The following SEC31A variants were observed in gnomAD, a reference collection of about 807,000 sequenced individuals.
The protein encoded by SEC31A is protein transport protein Sec31A.
A neutral mutation model predicts 151.0 loss-of-function variants in SEC31A; 70 were observed. The observed-to-expected ratio is 0.46, with a 90% CI of 0.38 to 0.57. The LOEUF is 0.57. Ranked by LOEUF, SEC31A falls within the 20% of genes least tolerant of loss-of-function variation. The probability of loss-of-function intolerance (pLI) is 0.00; values close to 1 mark genes in which losing one functional copy is unlikely to be tolerated. For synonymous variants in SEC31A, 475 were observed against 505.9 expected, an observed-to-expected ratio of 0.94 and a Z score of 0.82; for missense variants, 1,330 against 1,471.2, an observed-to-expected ratio of 0.90 and a Z score of 1.57.
chr4:82,897,064 C>G (rs1720095265), intron 3 of SEC31A, among the ~76,000 whole-genome samples: 1 of 152,184 alleles, frequency 6.6e-6, no homozygotes, highest in African/African-American at 2.4e-5. Flanking sequence ...TTTGAGTCTT[C>G]TTGTTTTCCT....
rs187056107 is a variant in SEC31A at position 82,844,275 on chromosome 4, C to T, written c.2626+111G>A. 22 of 1,187,728 alleles carry T rather than the reference C, an allele frequency of 1.9e-5. No individual in the cohort carries two copies. In the African/African-American group the frequency reaches 3.4e-4, roughly 18 times the overall value. The allele number at this position is 1,187,728 out of a possible 1,614,324, so 73.6% of individuals were successfully genotyped here. On this transcript the variant is annotated intron_variant, in intron 21 of 26. Coordinates refer to ENST00000395310, the MANE Select transcript of SEC31A (RefSeq NM_001077207.4). ...GTAGCAGGGACTCAGGAATCCTATG[C>T]ACAATGGTTCTTACTTATTGATTTG...
chr4:82,849,546 G>A (rs1386308317), intron 19 of SEC31A, among the ~76,000 whole-genome samples: 3 of 150,146 alleles, frequency 2.0e-5, no homozygotes, highest in Non-Finnish European at 4.4e-5. Context: ...CCAGGGAGGC[G>A]GCACTTGCAG....
intron 20 of SEC31A, among the ~76,000 whole-genome samples, chr4:82,846,624 T>C (rs978950313): frequency 2.6e-5 from 4 of 152,104 alleles, no homozygotes; most frequent in African/African-American, 4.8e-5. Context: ...CACTTAATGA[T>C]GAATATTAAT....
At position 82,837,199 on chromosome 4, in the gene SEC31A, A is replaced by ATATAGATATATAT. The variant is rs56888042; in HGVS notation, c.2968+4940_2968+4941insATATATATCTATA. The stretch of plus-strand genomic sequence containing the variant: ...TATATATATATATATATATATATAT[A>ATATAGATATATAT]ATTTCACCACAATAAAAACTTTAAT... On this transcript the variant is annotated intron_variant, in intron 22 of 26. Coordinates refer to ENST00000395310, the MANE Select transcript of SEC31A (RefSeq NM_001077207.4). Among the ~76,000 whole-genome samples the ATATAGATATATAT allele has an allele frequency of 1.7e-4, 14 of 83,132 alleles. 1 individual carries two copies. Among genetic ancestry groups the ATATAGATATATAT allele is most frequent in the Non-Finnish European group, 2.9e-4 (12 of 41,044 alleles). 54.5% of individuals were successfully genotyped at this position (83,132 alleles called of 152,430 possible). A position where few individuals can be genotyped will look rare whatever the true frequency, so the allele number is the denominator to read the frequency against.
At chr4:82,831,971 T>C (rs915517709) in intron 22 of SEC31A, among the ~76,000 whole-genome samples, 1 of 152,166 alleles carries the variant, frequency 6.6e-6, no homozygotes, top group African/African-American at 2.4e-5. Context: ...ATCGTGAAAA[T>C]GGCCTTACTG....
At position 82,842,371 on chromosome 4, in the gene SEC31A, T is replaced by C. The variant is rs146087000; in HGVS notation, c.2737A>G (p.Ile913Val). Residue 913 changes from isoleucine to valine, a missense_variant, in exon 22 of 27, where the codon ATA becomes GTA. Coordinates refer to ENST00000395310, the MANE Select transcript of SEC31A (RefSeq NM_001077207.4). ...TSNAYPNTPYISSASSYTGQS... is the reference protein window; with the variant it reads ...TSNAYPNTPYVSSASSYTGQS... ...CCAGTATAGGAAGAAGCAGAAGATA[T>C]GTAAGGGGTGTTAGGGTAAGCGTTT... 32 of 1,613,846 alleles carry C rather than the reference T, an allele frequency of 2.0e-5. 1 individual carries two copies. The highest frequency in any genetic ancestry group is 3.3e-4 in the Middle Eastern group (2 of 6,062).
intron 2 of SEC31A, among the ~76,000 whole-genome samples, chr4:82,881,482 G>A (rs555207076): frequency 1.3e-5 from 2 of 151,252 alleles, no homozygotes; most frequent in Non-Finnish European, 2.9e-5. Context: ...AAAAAGTCCC[G>A]TGATTTACTA....
intron 25 of SEC31A, chr4:82,821,315 A>G: frequency 2.3e-5 from 11 of 477,884 alleles, no homozygotes; most frequent in Non-Finnish European, 4.1e-5. Context: ...TTGGGAGACC[A>G]AGGCAGGCAA....
At chr4:82,825,816 T>G (rs1412053265) in intron 24 of SEC31A, among the ~76,000 whole-genome samples, 1 of 152,082 alleles carries the variant, frequency 6.6e-6, no homozygotes, top group East Asian at 1.9e-4. Flanking sequence ...ACAGTAGAAA[T>G]GTGGAGAAGA....
intron 22 of SEC31A, among the ~76,000 whole-genome samples, chr4:82,834,763 C>T (rs1477811155): frequency 6.6e-6 from 1 of 152,126 alleles, no homozygotes; most frequent in Non-Finnish European, 1.5e-5. Flanking sequence ...AATTATAATT[C>T]TAACCCCTTT....
rs1297377963 is a variant in SEC31A at position 82,861,684 on chromosome 4, C to T, written c.1573G>A (p.Ala525Thr). Residue 525 changes from alanine (A) to threonine (T), a missense_variant, in exon 14 of 27, where the codon GCA (alanine) becomes ACA (threonine). By Grantham distance (58) the Ala-to-Thr change is moderately conservative. Transcript: ENST00000395310. ...NVALKDSDQV[A>T]QSDGEESPAA... ...GGGCTCTCCTCCCCATCACTCTGTG[C>T]TACTTGGTCAGAGTCTTTAAGAGCC... The T allele has an allele frequency of 6.2e-7, 1 of 1,610,694 alleles. No individual in the cohort carries two copies. Among genetic ancestry groups the T allele is most frequent in the African/African-American group, 1.3e-5 (1 of 74,838 alleles).
At chr4:82,871,504 G>T in intron 7 of SEC31A, 3 of 1,029,148 alleles carry the variant, frequency 2.9e-6, no homozygotes, top group Non-Finnish European at 4.3e-6. Flanking sequence ...AAGTTCCTAC[G>T]GTGGCCCATG....
chr4:82,888,024 TG>T (rs1252474225), intron 1 of SEC31A, among the ~76,000 whole-genome samples: 1 of 144,654 alleles, frequency 6.9e-6, no homozygotes, highest in African/African-American at 2.6e-5. Context: ...CCAGCCTGGG[TG>T]ACAGAGCAAG....
At chr4:82,836,207 T>C (rs1426965081) in intron 22 of SEC31A, among the ~76,000 whole-genome samples, 2 of 151,730 alleles carry the variant, frequency 1.3e-5, no homozygotes, top group Non-Finnish European at 1.5e-5. Context: ...ACCCCATCTC[T>C]ACTAAAAATA....
intron 3 of SEC31A, 112 bp downstream of exon 3, chr4:82,880,687 T>A: frequency 1.1e-6 from 1 of 889,230 alleles, no homozygotes; most frequent in Non-Finnish European, 1.6e-6. Flanking sequence ...ATATTTCATG[T>A]TCTTGATGGT....
Position 82,837,158 on chromosome 4 carries a change from CATATATATATATATATAT to C in SEC31A, c.2968+4964_2968+4981del, listed in dbSNP as rs138120291. 1.2e-3 allele frequency among the ~76,000 whole-genome samples: 53 copies of C among 42,674 alleles called. 1 individual carries two copies. The highest frequency in any genetic ancestry group is 4.6e-3 in the African/African-American group (51 of 11,194). The allele number at this position is 42,674 out of a possible 152,430, so 28.0% of individuals were successfully genotyped here. A position where few individuals can be genotyped will look rare whatever the true frequency, so the allele number is the denominator to read the frequency against. On this transcript the variant is annotated intron_variant, in intron 22 of 26. Transcript: ENST00000395310. Reference sequence around the variant, plus strand: ...CAAACATGGTTAAAATAAATTTTATCATATATATATATATATATATATATATATATATATATATATAAT... The same window carrying C: ...CAAACATGGTTAAAATAAATTTTATCATATATATATATATATATATATAAT...
At chr4:82,877,694 T>A (rs1364811206) in intron 4 of SEC31A, 1 of 122,218 alleles carries the variant, frequency 8.2e-6, no homozygotes, top group Non-Finnish European at 1.8e-5. Context: ...TAAATCTGCA[T>A]TACATTTCTT....
At chr4:82,845,204 T>C in intron 20 of SEC31A, 2 of 1,521,838 alleles carry the variant, frequency 1.3e-6, no homozygotes, top group Non-Finnish European at 8.8e-7. Context: ...GATATACCTG[T>C]GTGTCAGAGG....
intron 6 of SEC31A, among the ~76,000 whole-genome samples, chr4:82,873,624 T>C (rs1737252824): frequency 6.6e-6 from 1 of 152,214 alleles, no homozygotes; most frequent in Non-Finnish European, 1.5e-5. Flanking sequence ...TTGAAAACAA[T>C]ACTCTGAAGA....
Sources: allele counts gnomAD v4.1 joint callset (sites outside exome capture counted in the v4.1 genomes callset), GRCh38; gene constraint gnomAD v4.1.1; transcripts MANE v1.5; gene names NCBI Gene and HGNC (gene_info 2026-07-23, HGNC 2026-07-21).